Variants in GPC3 observed in about 807,000 individuals in gnomAD.
GPC3 encodes glypican-3.
A neutral mutation model predicts 34.4 loss-of-function variants in GPC3; 3 were observed. The ratio of observed to expected loss-of-function variants is 0.09; its 90% CI spans 0.04 to 0.23. GPC3 has a LOEUF of 0.23. Ranked by LOEUF, GPC3 falls within the 10% of genes least tolerant of loss-of-function variation. GPC3 has a pLI of 1.00. For synonymous variants in GPC3, 177 were observed against 174.0 expected (o/e 1.02, Z -0.13); for missense variants, 351 against 445.6 (o/e 0.79, Z 1.91).
intron 2 of GPC3, among the ~76,000 whole-genome samples, chrX:133,855,030 A>G (rs1214360169): frequency 8.9e-6 from 1 of 112,530 alleles, no homozygotes; most frequent in Non-Finnish European, 1.9e-5. Flanking sequence ...AATGCATAGG[A>G]AAAAATACTA....
chrX:133,760,637 G>A (rs989025567), intron 2 of GPC3, among the ~76,000 whole-genome samples: 2 of 111,478 alleles, frequency 1.8e-5, no homozygotes, highest in African/African-American at 6.5e-5. Context: ...GAGAACATGG[G>A]AAAGTAAGTG....
At chrX:133,852,711 AACAGCAGCAC>A (rs1032193692) in intron 2 of GPC3, among the ~76,000 whole-genome samples, 20 of 111,357 alleles carry the variant, frequency 1.8e-4, no homozygotes, top group South Asian at 3.8e-4. Context: ...CCAGGCTTCC[AACAGCAGCAC>A]ACACGCTGGC....
intron 7 of GPC3, among the ~76,000 whole-genome samples, chrX:133,538,333 G>A (rs900877299): frequency 2.7e-5 from 3 of 111,922 alleles, no homozygotes; most frequent in Admixed American, 1.9e-4. Context: ...CATATGGCTA[G>A]ATCTGTTGAA....
At chrX:133,739,856 C>T (rs2071548166) in intron 3 of GPC3, among the ~76,000 whole-genome samples, 1 of 111,717 alleles carries the variant, frequency 9.0e-6, no homozygotes, top group Non-Finnish European at 1.9e-5. Context: ...GCACTCCAGC[C>T]TGGGCAGCAC....
At chrX:133,907,755 C>G (rs985967480) in intron 2 of GPC3, among the ~76,000 whole-genome samples, 2 of 111,053 alleles carry the variant, frequency 1.8e-5, no homozygotes, top group Admixed American at 1.9e-4. Flanking sequence ...TTTTCTCCCC[C>G]CTGTATTCAG....
At chrX:133,639,978 T>C (rs1203213976) in intron 6 of GPC3, among the ~76,000 whole-genome samples, 1 of 111,383 alleles carries the variant, frequency 9.0e-6, no homozygotes, top group Non-Finnish European at 1.9e-5. Context: ...CAGTCTATCA[T>C]GAGCCAGATT....
intron 2 of GPC3, among the ~76,000 whole-genome samples, chrX:133,899,947 C>T (rs369674732): frequency 9.0e-6 from 1 of 110,727 alleles, no homozygotes; most frequent in South Asian, 3.9e-4. Context: ...GGATTACAGG[C>T]GCCCGCCACC....
chrX:133,784,967 T>G (rs1032501748), intron 2 of GPC3, among the ~76,000 whole-genome samples: 2 of 111,579 alleles, frequency 1.8e-5, no homozygotes, highest in Non-Finnish European at 3.8e-5. Context: ...TTGCATAGGG[T>G]TTTGTTTTTT....
At chrX:133,672,180 G>T (rs191259991) in intron 5 of GPC3, among the ~76,000 whole-genome samples, 1 of 111,879 alleles carries the variant, frequency 8.9e-6, no homozygotes, top group African/African-American at 3.2e-5. Flanking sequence ...AAAGGGGAAG[G>T]TAATGAGAAA....
In GPC3 at chrX:133,815,900, C is replaced by A. The variant is rs1403283052; in HGVS notation, c.338-61724G>T. 5.4e-5 allele frequency among the ~76,000 whole-genome samples: 6 copies of A among 111,371 alleles called. No homozygotes were observed. In the Admixed American group the frequency reaches 5.7e-4, roughly 11 times the overall value. On this transcript the variant is annotated intron_variant, in intron 2 of 7. Transcript: ENST00000370818. The stretch of plus-strand genomic sequence containing the variant: ...AAACTATATTCTGAGGTTGTTGGAG[C>A]ATATTTTTGGAGACATCTTTAAATA...
intron 5 of GPC3, among the ~76,000 whole-genome samples, chrX:133,672,249 C>T (rs1424745174): frequency 9.0e-6 from 1 of 111,402 alleles, no homozygotes; most frequent in Non-Finnish European, 1.9e-5. Context: ...GCAGAAGAGG[C>T]TAGAGATAAA....
intron 6 of GPC3, among the ~76,000 whole-genome samples, chrX:133,617,074 G>C (rs770947258): frequency 3.3e-4 from 37 of 111,306 alleles, no homozygotes; most frequent in African/African-American, 1.2e-3. Context: ...AAAAATATTT[G>C]ATTTATTAAT....
intron 1 of GPC3, among the ~76,000 whole-genome samples, chrX:133,984,302 C>A (rs1427307788): frequency 8.8e-6 from 1 of 113,429 alleles, no homozygotes; most frequent in East Asian, 2.8e-4. Flanking sequence ...CTGTTTGAAA[C>A]CGACTCTTCT....
At chrX:133,831,122 G>C (rs746696997) in intron 2 of GPC3, among the ~76,000 whole-genome samples, 1 of 111,898 alleles carries the variant, frequency 8.9e-6, no homozygotes, top group Non-Finnish European at 1.9e-5. Flanking sequence ...GAGTGTGACT[G>C]TTAAGGGGTA....
chrX:133,890,090 AT>A (rs772527917), intron 2 of GPC3, among the ~76,000 whole-genome samples: 244 of 110,829 alleles, frequency 2.2e-3, no homozygotes, highest in African/African-American at 7.4e-3. Context: ...TTTGATGTAT[AT>A]AAATACATTT....
chrX:133,822,768 C>G (rs747046421), intron 2 of GPC3, among the ~76,000 whole-genome samples: 1 of 110,907 alleles, frequency 9.0e-6, no homozygotes. Context: ...AGACTAGAAA[C>G]AAGACCCAGA....
intron 1 of GPC3, among the ~76,000 whole-genome samples, chrX:133,975,796 C>A (rs1212242732): frequency 8.9e-6 from 1 of 112,147 alleles, no homozygotes; most frequent in Non-Finnish European, 1.9e-5. Flanking sequence ...GCAGAAATGG[C>A]ATATAAAGTT....
chrX:133,894,106 G>A (rs1392634308), intron 2 of GPC3, among the ~76,000 whole-genome samples: 1 of 111,845 alleles, frequency 8.9e-6, no homozygotes, highest in Non-Finnish European at 1.9e-5. Flanking sequence ...GCCTACCAAA[G>A]TCCTGGGATT....
chrX:133,774,357 T>C (rs187275777), intron 2 of GPC3, among the ~76,000 whole-genome samples: 1 of 111,880 alleles, frequency 8.9e-6, no homozygotes, highest in Non-Finnish European at 1.9e-5. Flanking sequence ...AGCTGAACAC[T>C]AGTGTACCCA....
Sources: gnomAD v4.1 joint callset for allele counts (sites outside exome capture counted in the v4.1 genomes callset) on GRCh38, gnomAD v4.1.1 for gene constraint, MANE v1.5 for transcripts, NCBI Gene and HGNC (gene_info 2026-07-23, HGNC 2026-07-21) for gene names.